The following EYS variants were observed in gnomAD, a reference collection of about 807,000 sequenced individuals.
EYS encodes protein eyes shut homolog.
Under a neutral mutation model 282.1 loss-of-function variants are expected in EYS, and 250 were observed. That is an observed-to-expected ratio of 0.89 (90% CI 0.80 to 0.98). The LOEUF (loss-of-function observed/expected upper bound fraction) is 0.98. Ranked by LOEUF, EYS falls within the 50% of genes least tolerant of loss-of-function variation. The pLI, the probability that EYS is intolerant of heterozygous loss-of-function variation, is 0.00. For synonymous variants in EYS, 1,355 were observed against 1,282.9 expected, an observed-to-expected ratio of 1.06 and a Z score of -1.20; for missense variants, 4,016 against 3,709.0, an observed-to-expected ratio of 1.08 and a Z score of -2.15.
intron 1 of EYS, among the ~76,000 whole-genome samples, chr6:65,668,079 C>G (rs1768260856): frequency 6.6e-6 from 1 of 151,812 alleles, no homozygotes; most frequent in Non-Finnish European, 1.5e-5. Flanking sequence ...CTAACTCTTC[C>G]ATAAGTTTCA....
At chr6:64,939,877 A>C (rs1769031243) in intron 15 of EYS, among the ~76,000 whole-genome samples, 1 of 152,026 alleles carries the variant, frequency 6.6e-6, no homozygotes, top group Non-Finnish European at 1.5e-5. Context: ...TAATCTATGC[A>C]AATGAGAGAT....
At chr6:65,663,231 T>A (rs1437472112) in intron 1 of EYS, among the ~76,000 whole-genome samples, 1 of 152,126 alleles carries the variant, frequency 6.6e-6, no homozygotes, top group Non-Finnish European at 1.5e-5. Flanking sequence ...AGTATGTCTG[T>A]GTTTAGGTAT....
At chr6:63,824,138 A>G (rs1231675927) in intron 36 of EYS, among the ~76,000 whole-genome samples, 4 of 152,258 alleles carry the variant, frequency 2.6e-5, no homozygotes, top group East Asian at 1.9e-4. Flanking sequence ...TAACTATAAT[A>G]TGTCACAGGC....
At chr6:63,860,573 A>G (rs1244996144) in intron 36 of EYS, among the ~76,000 whole-genome samples, 2 of 152,228 alleles carry the variant, frequency 1.3e-5, no homozygotes, top group Non-Finnish European at 2.9e-5. Flanking sequence ...ATCACGCACA[A>G]GTTGCCCACA....
At chr6:64,444,115 C>T (rs979985439) in intron 26 of EYS, among the ~76,000 whole-genome samples, 1 of 152,134 alleles carries the variant, frequency 6.6e-6, no homozygotes, top group Admixed American at 6.5e-5. Flanking sequence ...GGGGTAATTT[C>T]TGAGATTATC....
chr6:65,496,377 AT>A (rs1032028646), intron 2 of EYS, among the ~76,000 whole-genome samples: 39 of 151,522 alleles, frequency 2.6e-4, no homozygotes, highest in East Asian at 9.7e-4. Context: ...ATATTGACCT[AT>A]TTTTTTTTAA....
chr6:64,480,546 A>G (rs527690018), intron 26 of EYS, among the ~76,000 whole-genome samples: 1 of 152,012 alleles, frequency 6.6e-6, no homozygotes, highest in South Asian at 2.1e-4. Flanking sequence ...GAAAGTTTGC[A>G]GCCTAAGGGG....
chr6:65,410,710 G>C (rs1275220648), intron 5 of EYS, among the ~76,000 whole-genome samples: 1 of 151,056 alleles, frequency 6.6e-6, no homozygotes, highest in Non-Finnish European at 1.5e-5. Context: ...TCTCCAAAAG[G>C]AATTGAAGTC....
intron 2 of EYS, among the ~76,000 whole-genome samples, chr6:65,576,394 A>ACT (rs1309557219): frequency 6.6e-6 from 1 of 151,886 alleles, no homozygotes; most frequent in African/African-American, 2.4e-5. Flanking sequence ...TATTATAAAA[A>ACT]CTCTCAATAA....
intron 40 of EYS, among the ~76,000 whole-genome samples, chr6:63,765,380 G>GGAAGGCTAAGC (rs1416118155): frequency 2.0e-5 from 3 of 151,786 alleles, no homozygotes; most frequent in Non-Finnish European, 4.4e-5. Context: ...AATTACTTAG[G>GGAAGGCTAAGC]GAAGGCTTAG....
intron 31 of EYS, among the ~76,000 whole-genome samples, chr6:64,225,808 C>T (rs1222377175): frequency 6.6e-6 from 1 of 152,098 alleles, no homozygotes; most frequent in Non-Finnish European, 1.5e-5. Flanking sequence ...AACCTCCAGT[C>T]TACCTCTGAC....
chr6:65,683,482 G>A (rs1450085048), intron 1 of EYS, among the ~76,000 whole-genome samples: 1 of 151,824 alleles, frequency 6.6e-6, no homozygotes, highest in Non-Finnish European at 1.5e-5. Context: ...TAACTGTCAG[G>A]TGCAAATTAT....
At chr6:65,023,958 T>C (rs1772323395) in intron 13 of EYS, among the ~76,000 whole-genome samples, 1 of 152,078 alleles carries the variant, frequency 6.6e-6, no homozygotes, top group African/African-American at 2.4e-5. Flanking sequence ...GTTTGTGAGG[T>C]TAAAAGTTTG....
chr6:64,087,045 C>G (rs372932257), intron 31 of EYS, among the ~76,000 whole-genome samples: 1 of 152,052 alleles, frequency 6.6e-6, no homozygotes, highest in East Asian at 1.9e-4. Context: ...AATTTGGATA[C>G]CATTAGTAGA....
At chr6:64,641,506 T>G (rs1019189605) in intron 22 of EYS, among the ~76,000 whole-genome samples, 1 of 152,214 alleles carries the variant, frequency 6.6e-6, no homozygotes, top group Non-Finnish European at 1.5e-5. Flanking sequence ...ATGGGTTCCA[T>G]GCATCAAAAT....
intron 26 of EYS, among the ~76,000 whole-genome samples, chr6:64,447,901 G>A (rs1010533641): frequency 1.2e-4 from 18 of 152,220 alleles, no homozygotes; most frequent in Admixed American, 3.3e-4. Flanking sequence ...GATTGATTAG[G>A]GAAAAAATTA....
chr6:64,283,695 T>C (rs1214977731), intron 30 of EYS, among the ~76,000 whole-genome samples: 1 of 152,116 alleles, frequency 6.6e-6, no homozygotes, highest in African/African-American at 2.4e-5. Flanking sequence ...GATAAAGACA[T>C]ATCTGAGACT....
chr6:64,261,963 C>T (rs532954748), intron 30 of EYS, among the ~76,000 whole-genome samples: 25 of 151,958 alleles, frequency 1.6e-4, no homozygotes, highest in African/African-American at 6.0e-4. Flanking sequence ...GCCATGCTGC[C>T]TGGGCTTGTC....
rs1418930514 is a variant in EYS at position 65,495,069 on chromosome 6, A to G, written c.342T>C (p.Cys114=). The change falls in exon 4 of 43, where the codon TGT becomes TGC. Residue 114 remains cysteine (C), a synonymous_variant. Transcript: ENST00000503581. The part of the protein sequence containing the change: ...MNVSETSFVG[C]VQNTTTEDQL... ...GATCTTCCGTTGTGGTATTTTGCAC[A>G]CAGCCAACGAAAGATGTTTCAGAAA... 12 of 1,614,114 alleles carry G rather than the reference A, an allele frequency of 7.4e-6. No individual in the cohort carries two copies. The highest frequency in any genetic ancestry group is 1.7e-6 in the Non-Finnish European group (2 of 1,180,042).
Sources: gnomAD v4.1 joint callset for allele counts (sites outside exome capture counted in the v4.1 genomes callset) on GRCh38, gnomAD v4.1.1 for gene constraint, MANE v1.5 for transcripts, NCBI Gene and HGNC (gene_info 2026-07-23, HGNC 2026-07-21) for gene names.